Variants in CLCNKB observed in about 807,000 individuals in gnomAD.
CLCNKB encodes chloride voltage-gated channel Kb, also known as chloride channel protein ClC-Kb.
A neutral mutation model predicts 83.8 loss-of-function variants in CLCNKB; 74 were observed. The ratio of observed to expected loss-of-function variants is 0.88; its 90% CI spans 0.73 to 1.07. The LOEUF is 1.07. Among genes scored for constraint, CLCNKB ranks in the 50% least tolerant of loss-of-function variants. The pLI, the probability that CLCNKB is intolerant of heterozygous loss-of-function variation, is 0.00. For missense variants in CLCNKB, 798 were observed against 893.6 expected, an observed-to-expected ratio of 0.89 and a Z score of 1.36; for synonymous variants, 358 against 356.6, an observed-to-expected ratio of 1.00 and a Z score of -0.04.
At position 16,049,190 on chromosome 1, in the gene CLCNKB, G is replaced by C; in HGVS notation, c.726G>C (p.Ala242=). The change falls in exon 8 of 20, where the codon GCG becomes GCC. Residue 242 remains alanine, a synonymous_variant. Coordinates refer to ENST00000375679, the MANE Select transcript of CLCNKB (RefSeq NM_000085.5). ...GGGATTACTGGAGGGGCTTCTTTGC[G>C]GCCACCTGCGGGGCCTTCATGTTCC... The part of the protein sequence containing the change: ...SVWDYWRGFF[A]ATCGAFMFRL... The C allele has an allele frequency of 6.2e-7, 1 of 1,613,550 alleles. No individual in the cohort carries two copies. The highest frequency in any genetic ancestry group is 8.5e-7 in the Non-Finnish European group (1 of 1,179,998).
intron 11 of CLCNKB, 60 bp downstream of exon 11, chr1:16,050,660 G>C (rs527849197): frequency 6.4e-6 from 10 of 1,559,150 alleles, no homozygotes; most frequent in Middle Eastern, 1.7e-4. Context: ...CCTCCTTTGC[G>C]TGTATCTCAC....
At chr1:16,053,798 G>A in intron 16 of CLCNKB, 26 bp downstream of exon 16, 2 of 1,613,434 alleles carry the variant, frequency 1.2e-6, no homozygotes, top group Non-Finnish European at 1.7e-6. Flanking sequence ...GGAGGAGGAA[G>A]TCGGGGGTAG....
chr1:16,045,277 G>A (rs1304654294), intron 2 of CLCNKB, among the ~76,000 whole-genome samples: 1 of 152,182 alleles, frequency 6.6e-6, no homozygotes, highest in Non-Finnish European at 1.5e-5. Flanking sequence ...CTGTCCCCCA[G>A]GAACCTCCCA....
At chr1:16,048,197 C>A in intron 5 of CLCNKB, 146 bp from the exon 6 acceptor site, 2 of 1,438,730 alleles carry the variant, frequency 1.4e-6, no homozygotes, top group Non-Finnish European at 1.9e-6. Context: ...AGGCCAGGTC[C>A]CCGGAGTGTG....
chr1:16,049,005 C>A (rs537759207), intron 7 of CLCNKB, 115 bp from the exon 8 acceptor site: 17 of 1,600,264 alleles, frequency 1.1e-5, no homozygotes, highest in Non-Finnish European at 1.4e-5. Flanking sequence ...TGTCCCTGTC[C>A]GGGCTGCAGG....
rs2023450575 is a variant in CLCNKB at position 16,056,605 on chromosome 1, C to T, written c.2016+97C>T. ...GGTGGGGGGGACACCAGCATGCTCC[C>T]ATCCAAACCTGGGGGGATTCAGAGG... On this transcript the variant is annotated intron_variant, in intron 19 of 19. Coordinates refer to ENST00000375679, the MANE Select transcript of CLCNKB (RefSeq NM_000085.5). 17 of 1,201,510 alleles carry T rather than the reference C, an allele frequency of 1.4e-5. 1 individual carries two copies. In the South Asian group the frequency reaches 2.1e-4, roughly 15 times the overall value. 74.4% of individuals were successfully genotyped at this position (1,201,510 alleles called of 1,614,324 possible).
intron 11 of CLCNKB, 108 bp from the exon 12 acceptor site, chr1:16,050,767 G>T: frequency 6.4e-7 from 1 of 1,565,246 alleles, no homozygotes; most frequent in Non-Finnish European, 8.7e-7. Flanking sequence ...AAGGCCCCCC[G>T]CTGGGAAGTG....
chr1:16,049,016 A>C, intron 7 of CLCNKB, 104 bp from the exon 8 acceptor site: 1 of 1,604,814 alleles, frequency 6.2e-7, no homozygotes, highest in East Asian at 2.2e-5. Context: ...GGGCTGCAGG[A>C]GAGCAGGACA....
chr1:16,045,042 G>T (rs918497940), intron 2 of CLCNKB, among the ~76,000 whole-genome samples: 1 of 152,214 alleles, frequency 6.6e-6, no homozygotes, highest in African/African-American at 2.4e-5. Flanking sequence ...GACCACAGAA[G>T]GAGGCTGACT....
rs1264582102 is a variant in CLCNKB at position 16,047,828 on chromosome 1, A to T, written c.359-77A>T. On this transcript the variant is annotated intron_variant, in intron 4 of 19. Coordinates refer to ENST00000375679, the MANE Select transcript of CLCNKB (RefSeq NM_000085.5). ...CTGATCTGGCGAGATCGTAATGTGA[A>T]AACATCACACAGGTAGAGTGTTGAG... 4 of 1,503,266 alleles carry T rather than the reference A, an allele frequency of 2.7e-6. No individual in the cohort carries two copies. In the African/African-American group the frequency reaches 5.5e-5, roughly 21 times the overall value. The allele number at this position is 1,503,266 out of a possible 1,614,324, so 93.1% of individuals were successfully genotyped here. A position where few individuals can be genotyped will look rare whatever the true frequency, so the allele number is the denominator to read the frequency against.
At chr1:16,047,712 T>G (rs2023141076) in intron 4 of CLCNKB, among the ~76,000 whole-genome samples, 193 bp from the exon 5 acceptor site, 1 of 152,122 alleles carries the variant, frequency 6.6e-6, no homozygotes, top group Non-Finnish European at 1.5e-5. Flanking sequence ...GAGGCTGCTG[T>G]AAGCTATGAT....
intron 7 of CLCNKB, 180 bp from the exon 8 acceptor site, chr1:16,048,940 C>G (rs1289472790): frequency 1.3e-6 from 2 of 1,482,292 alleles, no homozygotes; most frequent in East Asian, 2.4e-5. Context: ...GGACGGGTCT[C>G]TGGGCAGCGG....
At chr1:16,052,725 C>T (rs2023334133) in intron 15 of CLCNKB, among the ~76,000 whole-genome samples, 1 of 152,172 alleles carries the variant, frequency 6.6e-6, no homozygotes, top group South Asian at 2.1e-4. Context: ...CACAGAGAGT[C>T]AGCACCAGAT....
intron 15 of CLCNKB, 152 bp downstream of exon 15, chr1:16,052,563 T>C (rs2023329217): frequency 8.7e-7 from 1 of 1,143,008 alleles, no homozygotes; most frequent in Non-Finnish European, 1.3e-6. Flanking sequence ...CTCTCCCCAG[T>C]GCCCCGGGTG....
At chr1:16,054,760 C>T (rs962885280) in intron 16 of CLCNKB, among the ~76,000 whole-genome samples, 2 of 152,058 alleles carry the variant, frequency 1.3e-5, no homozygotes, top group African/African-American at 2.4e-5. Flanking sequence ...CCTCTTTTAC[C>T]CTCAGAGCCA....
At chr1:16,045,157 G>C (rs756795569) in intron 2 of CLCNKB, among the ~76,000 whole-genome samples, 1 of 152,146 alleles carries the variant, frequency 6.6e-6, no homozygotes, top group Non-Finnish European at 1.5e-5. Flanking sequence ...GATACCTGGC[G>C]CCACAGGTCC....
chr1:16,052,940 G>A (rs1453677865), intron 15 of CLCNKB, among the ~76,000 whole-genome samples: 1 of 152,200 alleles, frequency 6.6e-6, no homozygotes, highest in Admixed American at 6.5e-5. Context: ...GCAAGCTGCT[G>A]CCTTGCTCTG....
chr1:16,045,029 A>G (rs2023058930), intron 2 of CLCNKB, among the ~76,000 whole-genome samples: 1 of 151,222 alleles, frequency 6.6e-6, no homozygotes, highest in African/African-American at 2.4e-5. Context: ...CAGAGCAAGT[A>G]GGGACCACAG....
chr1:16,055,119 C>T (rs905223213), intron 16 of CLCNKB, among the ~76,000 whole-genome samples: 3 of 152,104 alleles, frequency 2.0e-5, no homozygotes, highest in South Asian at 2.1e-4. Context: ...CAGACTTCAT[C>T]GTGCTGGCGT....
Sources: gnomAD v4.1 joint callset for allele counts (sites outside exome capture counted in the v4.1 genomes callset) on GRCh38, gnomAD v4.1.1 for gene constraint, MANE v1.5 for transcripts, NCBI Gene and HGNC (gene_info 2026-07-23, HGNC 2026-07-21) for gene names.